Variants in EEF1E1 observed in about 807,000 individuals in gnomAD.
The protein encoded by EEF1E1 is eukaryotic translation elongation factor 1 epsilon 1.
A neutral mutation model predicts 19.9 loss-of-function variants in EEF1E1; 19 were observed. That is an observed-to-expected ratio of 0.95 (90% CI 0.66 to 1.40). The LOEUF (loss-of-function observed/expected upper bound fraction) is 1.40. EEF1E1 is among the 40% of genes most tolerant of loss of function. EEF1E1 has a pLI of 0.00. For missense variants in EEF1E1, 198 were observed against 202.2 expected (o/e 0.98, Z 0.13); for synonymous variants, 81 against 80.0 (o/e 1.01, Z -0.07).
intron 1 of EEF1E1, among the ~76,000 whole-genome samples, chr6:8,099,242 C>G (rs1437478654): frequency 6.6e-6 from 1 of 152,210 alleles, no homozygotes; most frequent in Non-Finnish European, 1.5e-5. Flanking sequence ...GATGGCATAT[C>G]CAATGGTGCT....
At chr6:8,094,970 G>A (rs1758125385) in intron 2 of EEF1E1, among the ~76,000 whole-genome samples, 1 of 152,018 alleles carries the variant, frequency 6.6e-6, no homozygotes, top group Non-Finnish European at 1.5e-5. Flanking sequence ...TACAAAATAT[G>A]TATTAACTGA....
chr6:8,102,074 A>G (rs1758381365), intron 1 of EEF1E1: 1 of 1,194,354 alleles, frequency 8.4e-7, no homozygotes. Context: ...ACTGAATGAA[A>G]GGTGCGATTA....
chr6:8,101,831 C>T (rs1447613197), intron 1 of EEF1E1: 1 of 1,289,088 alleles, frequency 7.8e-7, no homozygotes, highest in African/African-American at 1.5e-5. Context: ...GCTTTAGAAA[C>T]GCCTTCCCCG....
intron 3 of EEF1E1, 110 bp downstream of exon 3, chr6:8,090,076 A>G (rs557499007): frequency 1.9e-5 from 17 of 892,778 alleles, no homozygotes; most frequent in Admixed American, 3.5e-5. Context: ...AATTCCTTTC[A>G]TTTTTATTTG....
intron 3 of EEF1E1, 145 bp from the exon 4 acceptor site, chr6:8,080,175 G>GT (rs1183874175): frequency 2.3e-6 from 2 of 865,916 alleles, no homozygotes; most frequent in Middle Eastern, 2.7e-4. Flanking sequence ...TCAGATAGGA[G>GT]TAAAAGTTTC....
At chr6:8,076,092 C>A (rs1757581128), downstream of EEF1E1, among the ~76,000 whole-genome samples, 1 of 152,108 alleles carries the variant, frequency 6.6e-6, no homozygotes, top group African/African-American at 2.4e-5. Flanking sequence ...GTTGTTTCCT[C>A]CACTTAAGTC....
At chr6:8,086,979 G>C (rs566129437) in intron 3 of EEF1E1, among the ~76,000 whole-genome samples, 1 of 152,310 alleles carries the variant, frequency 6.6e-6, no homozygotes, top group African/African-American at 2.4e-5. Flanking sequence ...AACACACACA[G>C]AGGAAGGAGC....
chr6:8,080,023 A>T lies in EEF1E1; in HGVS notation c.392T>A (p.Leu131Gln). ...ATATTTCTCCTTTTCTTGAACTGTC[A>T]GGTCAACCTAAGTAGAGATTAAAAA... ...YYGLHRFIVD[L>Q]TVQEKEKYLN... is the part of the protein sequence containing the mutation. The change falls in exon 4 of 4, where the codon CTG becomes CAG. Residue 131 changes from leucine to glutamine, a missense_variant. Physicochemically the swap from Leu to Gln is moderately radical, Grantham distance 113 (BLOSUM62 -2). Transcript: ENST00000379715. The T allele has an allele frequency of 6.2e-7, 1 of 1,613,354 alleles. No homozygotes were observed. Among genetic ancestry groups the T allele is most frequent in the Non-Finnish European group, 8.5e-7 (1 of 1,179,840 alleles).
downstream of EEF1E1, among the ~76,000 whole-genome samples, chr6:8,076,481 G>A (rs1202110475): frequency 4.0e-5 from 6 of 151,428 alleles, no homozygotes; most frequent in Non-Finnish European, 8.8e-5. Context: ...CCACCACCAC[G>A]CCCGGCTAAT....
intron 1 of EEF1E1, among the ~76,000 whole-genome samples, chr6:8,099,787 C>A (rs373235174): frequency 0.15 from 12,049 of 81,322 alleles, 1,108 homozygotes; most frequent in African/African-American, 0.28. Flanking sequence ...CACACACACA[C>A]ACACAAAAAA....
downstream of EEF1E1, chr6:8,078,524 G>T (rs964379489): frequency 8.3e-6 from 4 of 483,038 alleles, no homozygotes; most frequent in African/African-American, 6.3e-5. Context: ...GAGACATGAA[G>T]CAAGCACAAG....
intron 3 of EEF1E1, among the ~76,000 whole-genome samples, chr6:8,089,255 G>C (rs1757949838): frequency 6.6e-6 from 1 of 152,200 alleles, no homozygotes; most frequent in Non-Finnish European, 1.5e-5. Context: ...AATTACATCA[G>C]ACAGAAATTA....
intron 3 of EEF1E1, among the ~76,000 whole-genome samples, chr6:8,089,655 T>G (rs1417590816): frequency 1.3e-5 from 2 of 152,228 alleles, no homozygotes; most frequent in Non-Finnish European, 2.9e-5. Context: ...TAATCTCCTT[T>G]GGCAACACCG....
chr6:8,083,771 C>T (rs894668173), intron 3 of EEF1E1, among the ~76,000 whole-genome samples: 8 of 152,246 alleles, frequency 5.3e-5, no homozygotes, highest in Middle Eastern at 3.4e-3. Context: ...AAGGAATGCA[C>T]GAGGACAAAA....
chr6:8,101,711 AAAC>A, intron 1 of EEF1E1: 1 of 1,274,930 alleles, frequency 7.8e-7, no homozygotes, highest in Non-Finnish European at 1.0e-6. Context: ...CTTCTACGAC[AAAC>A]AACTATAAAA....
intron 2 of EEF1E1, among the ~76,000 whole-genome samples, chr6:8,093,064 C>A (rs151021146): frequency 6.6e-6 from 1 of 151,600 alleles, no homozygotes; most frequent in African/African-American, 2.4e-5. Flanking sequence ...GTGGAGACAG[C>A]GGTTTCACTA....
intron 2 of EEF1E1, among the ~76,000 whole-genome samples, chr6:8,092,553 A>C (rs1758041399): frequency 6.6e-6 from 1 of 152,218 alleles, no homozygotes; most frequent in African/African-American, 2.4e-5. Flanking sequence ...AGGAATATGG[A>C]CACAAATGAG....
intron 2 of EEF1E1, among the ~76,000 whole-genome samples, chr6:8,091,529 T>C (rs1012575863): frequency 2.6e-5 from 4 of 152,256 alleles, no homozygotes; most frequent in Non-Finnish European, 5.9e-5. Context: ...TCCAGAAATG[T>C]TTAATTTTGA....
chr6:8,098,808 G>GA (rs774862872), intron 1 of EEF1E1, among the ~76,000 whole-genome samples: 24 of 152,038 alleles, frequency 1.6e-4, no homozygotes, highest in Non-Finnish European at 2.8e-4. Context: ...ATATTTTGAG[G>GA]AAAAAAGAGA....
Sources: gnomAD v4.1 joint callset for allele counts (sites outside exome capture counted in the v4.1 genomes callset) on GRCh38, gnomAD v4.1.1 for gene constraint, MANE v1.5 for transcripts, NCBI Gene and HGNC (gene_info 2026-07-23, HGNC 2026-07-21) for gene names.